The following GPT2 variants were observed in gnomAD, a reference collection of about 807,000 sequenced individuals.
GPT2 encodes glutamic--pyruvic transaminase 2, also known as alanine aminotransferase 2.
GPT2 carries 30 observed loss-of-function variants against 56.9 expected under a neutral mutation model. The ratio of observed to expected loss-of-function variants is 0.53; its 90% CI spans 0.39 to 0.72. GPT2 has a LOEUF of 0.72. Among genes scored for constraint, GPT2 ranks in the 30% least tolerant of loss-of-function variants. The probability of loss-of-function intolerance (pLI) is 0.00; values close to 1 mark genes in which losing one functional copy is unlikely to be tolerated. For missense variants in GPT2, 542 were observed against 703.4 expected, an observed-to-expected ratio of 0.77 and a Z score of 2.60; for synonymous variants, 271 against 283.1, an observed-to-expected ratio of 0.96 and a Z score of 0.43.
chr16:46,911,016 G>A (rs754043), intron 6 of GPT2, among the ~76,000 whole-genome samples: 3,107 of 152,046 alleles, frequency 0.02, 45 homozygotes, highest in Non-Finnish European at 0.033. Context: ...TCATTTTACC[G>A]TCACTCTTCC....
intron 3 of GPT2, among the ~76,000 whole-genome samples, chr16:46,898,803 G>A (rs955286943): frequency 3.3e-5 from 5 of 150,356 alleles, no homozygotes; most frequent in African/African-American, 1.2e-4. Flanking sequence ...GCCTGCCTCG[G>A]CCTCCCAAAG....
chr16:46,893,485 C>T (rs1000366845), intron 2 of GPT2, among the ~76,000 whole-genome samples: 1 of 152,208 alleles, frequency 6.6e-6, no homozygotes. Context: ...GCTGGAGCCA[C>T]GGATGCGGAG....
chr16:46,912,713 C>T (rs532438288), intron 6 of GPT2, among the ~76,000 whole-genome samples: 6 of 152,308 alleles, frequency 3.9e-5, no homozygotes, highest in African/African-American at 1.2e-4. Flanking sequence ...GGAGCACGCA[C>T]ATCGCATGGC....
Position 46,918,504 on chromosome 16 carries a change from G to A in GPT2, c.901-117G>A, listed in dbSNP as rs1961216116. 2.5e-6 allele frequency: 3 copies of A among 1,177,922 alleles called. No individual in the cohort carries two copies. The Admixed American group carries it at 6.3e-5, about 25-fold the overall frequency. 73.0% of individuals were successfully genotyped at this position (1,177,922 alleles called of 1,614,324 possible). On this transcript the variant is annotated intron_variant, in intron 7 of 11. Coordinates refer to ENST00000340124, the MANE Select transcript of GPT2 (RefSeq NM_133443.4). ...GGCTCATCCCTGGAATGGCACAGGA[G>A]GCTGGGCCGGCTGGGCCTCATGGCC...
rs78206422 is a variant in GPT2, at chr16:46,909,788, C to T, written c.681C>T (p.Asp227=). The T allele has an allele frequency of 2.0e-4, 328 of 1,614,156 alleles. 3 individuals are homozygous for T. The East Asian group carries it at 6.3e-3, about 31-fold the overall frequency. The part of the protein sequence containing the change: ...PLYSAVISEL[D]AIQVNYYLDE... ...ATTCAGCTGTCATCTCTGAGCTCGA[C>T]GCCATCCAGGTGAATTACTACCTGG... is the stretch of plus-strand genomic sequence containing the variant. Residue 227 remains aspartate, a synonymous_variant, in exon 6 of 12, where the codon GAC becomes GAT. Transcript: ENST00000340124.
intron 5 of GPT2, 37 bp from the exon 6 acceptor site, chr16:46,909,647 T>C (rs1172258824): frequency 1.3e-6 from 2 of 1,599,670 alleles, no homozygotes; most frequent in Non-Finnish European, 1.7e-6. Flanking sequence ...GGATGGGAAG[T>C]AGTGCTGGCT....
chr16:46,902,782 C>T (rs189785771), intron 4 of GPT2, among the ~76,000 whole-genome samples: 4 of 152,184 alleles, frequency 2.6e-5, no homozygotes, highest in East Asian at 3.9e-4. Flanking sequence ...CGCGCCACCA[C>T]GCCTGGGTAA....
At chr16:46,896,933 C>T (rs1237900383) in intron 2 of GPT2, among the ~76,000 whole-genome samples, 1 of 152,218 alleles carries the variant, frequency 6.6e-6, no homozygotes, top group Non-Finnish European at 1.5e-5. Flanking sequence ...CACAGTGGTT[C>T]ACCCCTGTAA....
intron 2 of GPT2, among the ~76,000 whole-genome samples, chr16:46,889,185 G>A (rs944421475): frequency 3.4e-5 from 5 of 148,400 alleles, no homozygotes; most frequent in South Asian, 2.1e-4. Context: ...ATGCCACCAC[G>A]TCTGGCTAAT....
At position 46,929,037 on chromosome 16, in the gene GPT2, T is replaced by C. The variant is rs747026056; in HGVS notation, c.*40T>C. The C allele has an allele frequency of 2.0e-6, 3 of 1,506,318 alleles. No individual in the cohort carries two copies. The highest frequency in any genetic ancestry group is 2.8e-5 in the African/African-American group (2 of 72,692). The allele number at this position is 1,506,318 out of a possible 1,614,324, so 93.3% of individuals were successfully genotyped here. ...CAGCGGGAGACCTGTCCTTGGCTCTTCCTCCCAATGCCCGTCAGGCTGAAC... is the reference window on the plus strand; with the variant it reads ...CAGCGGGAGACCTGTCCTTGGCTCTCCCTCCCAATGCCCGTCAGGCTGAAC... On this transcript the variant is annotated 3_prime_UTR_variant, in exon 12 of 12. Coordinates refer to ENST00000340124, the MANE Select transcript of GPT2 (RefSeq NM_133443.4).
chr16:46,920,194 A>G (rs1350260495), intron 8 of GPT2, among the ~76,000 whole-genome samples: 2 of 152,240 alleles, frequency 1.3e-5, no homozygotes, highest in Non-Finnish European at 2.9e-5. Context: ...TGTTCAAACA[A>G]CAGGAAGGAT....
At chr16:46,896,378 C>T (rs1960685974) in intron 2 of GPT2, among the ~76,000 whole-genome samples, 1 of 152,144 alleles carries the variant, frequency 6.6e-6, no homozygotes, top group Non-Finnish European at 1.5e-5. Flanking sequence ...TCTGTGATCT[C>T]TCTTCTGTGC....
intron 9 of GPT2, chr16:46,923,829 A>G (rs1596634592): frequency 5.0e-6 from 1 of 200,950 alleles, no homozygotes; most frequent in South Asian, 9.8e-5. Flanking sequence ...GCCCATCTGC[A>G]GAAGAATGGG....
rs368078974 is a variant in GPT2, at chr16:46,900,699, C to T, written c.351C>T (p.Thr117=). ...TCCCCCAGGTGATGGCACTATGCAC[C>T]TACCCAAACCTGCTGGACAGCCCCA... ...TFLRQVMALC[T]YPNLLDSPSF... Residue 117 remains threonine (T), a synonymous_variant, in exon 4 of 12, where the codon ACC becomes ACT. Coordinates refer to ENST00000340124, the MANE Select transcript of GPT2 (RefSeq NM_133443.4). 3.7e-6 allele frequency: 6 copies of T among 1,613,982 alleles called. No individual in the cohort carries two copies. Among genetic ancestry groups the T allele is most frequent in the Non-Finnish European group, 5.1e-6 (6 of 1,179,904 alleles).
At chr16:46,913,715 G>A (rs1961088176) in intron 6 of GPT2, among the ~76,000 whole-genome samples, 1 of 152,050 alleles carries the variant, frequency 6.6e-6, no homozygotes, top group African/African-American at 2.4e-5. Flanking sequence ...TTAACAAAAA[G>A]GTAAGATACT....
intron 6 of GPT2, among the ~76,000 whole-genome samples, chr16:46,912,564 A>C (rs528607835): frequency 6.6e-6 from 1 of 152,298 alleles, no homozygotes; most frequent in South Asian, 2.1e-4. Flanking sequence ...CATTGCTATA[A>C]AGAAATACCT....
At chr16:46,928,552 G>A (rs1961463688) in intron 11 of GPT2, among the ~76,000 whole-genome samples, 1 of 151,862 alleles carries the variant, frequency 6.6e-6, no homozygotes, top group African/African-American at 2.4e-5. Context: ...GAACCTGGGA[G>A]GTGGAGGTTG....
chr16:46,891,873 T>C (rs1960592096), intron 2 of GPT2, among the ~76,000 whole-genome samples: 1 of 152,060 alleles, frequency 6.6e-6, no homozygotes, highest in Admixed American at 6.6e-5. Flanking sequence ...TTCCTTCTAC[T>C]TTTTGGTACC....
chr16:46,921,613 A>G (rs1195117610), intron 8 of GPT2, among the ~76,000 whole-genome samples: 1 of 152,202 alleles, frequency 6.6e-6, no homozygotes, highest in Non-Finnish European at 1.5e-5. Flanking sequence ...GTTTGCAGCC[A>G]CACACCAGAG....
Sources: allele counts gnomAD v4.1 joint callset (sites outside exome capture counted in the v4.1 genomes callset), GRCh38; gene constraint gnomAD v4.1.1; transcripts MANE v1.5; gene names NCBI Gene and HGNC (gene_info 2026-07-23, HGNC 2026-07-21).